The following ZBTB20 variants were observed in gnomAD, a reference collection of about 807,000 sequenced individuals.
ZBTB20 encodes the protein zinc finger and BTB domain-containing protein 20.
ZBTB20 carries 9 observed loss-of-function variants against 56.9 expected under a neutral mutation model. The observed-to-expected ratio is 0.16, with a 90% CI of 0.10 to 0.28. ZBTB20 has a LOEUF of 0.28. Among genes scored for constraint, ZBTB20 ranks in the 10% least tolerant of loss-of-function variants. The pLI, the probability that ZBTB20 is intolerant of heterozygous loss-of-function variation, is 1.00. For missense variants in ZBTB20, 655 were observed against 1,003.0 expected, an observed-to-expected ratio of 0.65 and a Z score of 4.69; for synonymous variants, 417 against 420.7, an observed-to-expected ratio of 0.99 and a Z score of 0.11.
intron 4 of ZBTB20, among the ~76,000 whole-genome samples, chr3:114,818,018 C>T (rs1390271265): frequency 6.6e-6 from 1 of 152,114 alleles, no homozygotes; most frequent in African/African-American, 2.4e-5. Flanking sequence ...ATGACAGCAT[C>T]ATGAAAATGA....
intron 3 of ZBTB20, among the ~76,000 whole-genome samples, chr3:114,906,100 T>G (rs1189546808): frequency 2.0e-5 from 3 of 151,856 alleles, no homozygotes; most frequent in Non-Finnish European, 4.4e-5. Flanking sequence ...GAGGCCACAC[T>G]ACTTTATTCA....
intron 6 of ZBTB20, among the ~76,000 whole-genome samples, chr3:114,666,651 G>A (rs1375727080): frequency 6.6e-6 from 1 of 151,972 alleles, no homozygotes; most frequent in Non-Finnish European, 1.5e-5. Flanking sequence ...CTAGGGATTG[G>A]TAAGTTGCTG....
chr3:114,355,071 CGA>C (rs1317504395), intron 10 of ZBTB20, among the ~76,000 whole-genome samples: 1 of 151,968 alleles, frequency 6.6e-6, no homozygotes, highest in African/African-American at 2.4e-5. Context: ...GCCCAAAGAT[CGA>C]GAGTTATCTT....
At position 114,968,153 on chromosome 3, in the gene ZBTB20, T is replaced by C. The variant is rs575799484; in HGVS notation, c.-456+6213A>G. Among the ~76,000 whole-genome samples the C allele has an allele frequency of 3.9e-5, 6 of 152,270 alleles. No homozygotes were observed. In the South Asian group the frequency reaches 1.2e-3, roughly 32 times the overall value. ...TTTGAATGTATATATTATATATAGA[T>C]ACATATGCATTTACATTTCCACATT... On this transcript the variant is annotated intron_variant, in intron 3 of 11. Transcript: ENST00000675478.
At chr3:114,803,344 T>C (rs1300770435) in intron 4 of ZBTB20, among the ~76,000 whole-genome samples, 1 of 151,822 alleles carries the variant, frequency 6.6e-6, no homozygotes, top group Non-Finnish European at 1.5e-5. Context: ...TCCCATGCTG[T>C]ACTACTCATC....
intron 7 of ZBTB20, among the ~76,000 whole-genome samples, chr3:114,391,200 A>G (rs1350187461): frequency 6.6e-6 from 1 of 152,126 alleles, no homozygotes; most frequent in Non-Finnish European, 1.5e-5. Flanking sequence ...ACATTACATT[A>G]ATTTTTCTAA....
intron 2 of ZBTB20, among the ~76,000 whole-genome samples, chr3:115,053,583 T>G (rs2081635443): frequency 1.3e-5 from 2 of 152,110 alleles, no homozygotes; most frequent in African/African-American, 4.8e-5. Flanking sequence ...TGAATGCATA[T>G]GGTTAAATTT....
intron 6 of ZBTB20, among the ~76,000 whole-genome samples, chr3:114,643,782 T>G (rs866659851): frequency 6.6e-6 from 1 of 152,106 alleles, no homozygotes; most frequent in Non-Finnish European, 1.5e-5. Flanking sequence ...TTGGCATGAC[T>G]GAAGTACAGT....
At chr3:114,778,236 A>G (rs2069772117) in intron 5 of ZBTB20, among the ~76,000 whole-genome samples, 1 of 135,906 alleles carries the variant, frequency 7.4e-6, no homozygotes, top group African/African-American at 3.0e-5. Context: ...CCTAAAACTT[A>G]AAGTATGTTA....
intron 6 of ZBTB20, among the ~76,000 whole-genome samples, chr3:114,556,829 T>G (rs1407456259): frequency 6.6e-6 from 1 of 152,086 alleles, no homozygotes. Context: ...AATGAGATAA[T>G]GAAATAAGAA....
At chr3:114,887,457 C>T (rs960661268) in intron 4 of ZBTB20, among the ~76,000 whole-genome samples, 1 of 152,108 alleles carries the variant, frequency 6.6e-6, no homozygotes, top group Non-Finnish European at 1.5e-5. Flanking sequence ...GAGATAAAAT[C>T]ATCCTGGATT....
At chr3:114,790,738 A>G (rs1488585143) in intron 5 of ZBTB20, among the ~76,000 whole-genome samples, 2 of 152,134 alleles carry the variant, frequency 1.3e-5, no homozygotes, top group South Asian at 4.1e-4. Flanking sequence ...TGCCCTCCAG[A>G]AAGTCACTGA....
intron 7 of ZBTB20, among the ~76,000 whole-genome samples, chr3:114,494,448 G>T (rs1373369550): frequency 6.6e-6 from 1 of 152,164 alleles, no homozygotes. Flanking sequence ...ATGGATGTCA[G>T]TGTGGGTAAG....
intron 1 of ZBTB20, among the ~76,000 whole-genome samples, chr3:115,122,633 A>C (rs2084215154): frequency 6.6e-6 from 1 of 152,104 alleles, no homozygotes; most frequent in Non-Finnish European, 1.5e-5. Flanking sequence ...CATAAAATCT[A>C]AGCTCTGCCT....
At chr3:114,586,351 A>C (rs2055177117) in intron 6 of ZBTB20, among the ~76,000 whole-genome samples, 1 of 152,200 alleles carries the variant, frequency 6.6e-6, no homozygotes, top group African/African-American at 2.4e-5. Flanking sequence ...AGAGACAATA[A>C]AATTATGGCC....
intron 5 of ZBTB20, among the ~76,000 whole-genome samples, chr3:114,795,879 G>T (rs921503689): frequency 6.6e-6 from 1 of 151,980 alleles, no homozygotes; most frequent in African/African-American, 2.4e-5. Context: ...ACTCAGTAGG[G>T]CTAAGAAATG....
intron 6 of ZBTB20, among the ~76,000 whole-genome samples, chr3:114,523,122 A>G (rs1198717174): frequency 6.6e-6 from 1 of 152,168 alleles, no homozygotes; most frequent in Non-Finnish European, 1.5e-5. Context: ...GAGGCAGGAA[A>G]AAAATCAGGA....
At chr3:115,098,049 G>A (rs771569697) in intron 1 of ZBTB20, among the ~76,000 whole-genome samples, 17 of 152,096 alleles carry the variant, frequency 1.1e-4, no homozygotes, top group Non-Finnish European at 2.2e-4. Context: ...TTGCTAAAAG[G>A]TTAAAGGAAA....
chr3:114,708,342 T>C (rs149472375), intron 5 of ZBTB20, among the ~76,000 whole-genome samples: 1 of 152,112 alleles, frequency 6.6e-6, no homozygotes, highest in Non-Finnish European at 1.5e-5. Flanking sequence ...CTTTAAGATG[T>C]TACCACCGAA....
Sources: allele counts gnomAD v4.1 joint callset (sites outside exome capture counted in the v4.1 genomes callset), GRCh38; gene constraint gnomAD v4.1.1; transcripts MANE v1.5; gene names NCBI Gene and HGNC (gene_info 2026-07-23, HGNC 2026-07-21).